CADM2: variants seen among roughly 807,000 people sequenced by gnomAD.
CADM2 encodes cell adhesion molecule 2.
Under a neutral mutation model 49.8 loss-of-function variants are expected in CADM2, and 12 were observed. The observed-to-expected ratio is 0.24, with a 90% CI of 0.15 to 0.39. The LOEUF is 0.39. Among genes scored for constraint, CADM2 ranks in the 10% least tolerant of loss-of-function variants. CADM2 has a pLI of 1.00. For synonymous variants in CADM2, 214 were observed against 175.4 expected, an observed-to-expected ratio of 1.22 and a Z score of -1.74; for missense variants, 378 against 492.3, an observed-to-expected ratio of 0.77 and a Z score of 2.20.
chr3:85,177,455 C>A (rs1226067500), intron 1 of CADM2, among the ~76,000 whole-genome samples: 1 of 151,364 alleles, frequency 6.6e-6, no homozygotes, highest in African/African-American at 2.4e-5. Context: ...TATAGCAAAC[C>A]CTATAGGTAA....
At chr3:85,437,107 G>A (rs991275680) in intron 1 of CADM2, among the ~76,000 whole-genome samples, 1 of 152,034 alleles carries the variant, frequency 6.6e-6, no homozygotes, top group Admixed American at 6.6e-5. Flanking sequence ...ATAGTATGTA[G>A]CCTTTTCATG....
intron 1 of CADM2, among the ~76,000 whole-genome samples, chr3:85,243,788 G>A (rs562003434): frequency 3.9e-5 from 6 of 152,058 alleles, no homozygotes; most frequent in East Asian, 1.9e-4. Context: ...ATCCACTGTC[G>A]TCTTTATGGA....
At chr3:85,796,584 T>A (rs2071637000) in intron 2 of CADM2, among the ~76,000 whole-genome samples, 1 of 152,136 alleles carries the variant, frequency 6.6e-6, no homozygotes, top group Non-Finnish European at 1.5e-5. Context: ...GATATCAGAT[T>A]TTTTACTTGA....
chr3:85,718,614 A>G (rs1226923458), intron 1 of CADM2, among the ~76,000 whole-genome samples: 1 of 152,170 alleles, frequency 6.6e-6, no homozygotes, highest in Non-Finnish European at 1.5e-5. Context: ...GAATAAATAT[A>G]GAAAAAGATC....
chr3:85,918,366 G>A (rs147276756), intron 6 of CADM2, among the ~76,000 whole-genome samples: 1 of 152,136 alleles, frequency 6.6e-6, no homozygotes, highest in Non-Finnish European at 1.5e-5. Flanking sequence ...AACATGAAAG[G>A]TTGTTGAATT....
chr3:85,437,650 C>A (rs536163712), intron 1 of CADM2, among the ~76,000 whole-genome samples: 1 of 151,970 alleles, frequency 6.6e-6, no homozygotes, highest in Non-Finnish European at 1.5e-5. Context: ...ACATAACCAA[C>A]ATGTTTTTCT....
chr3:85,327,250 A>G (rs916877063), intron 1 of CADM2, among the ~76,000 whole-genome samples: 10 of 151,682 alleles, frequency 6.6e-5, no homozygotes, highest in Non-Finnish European at 1.5e-4. Context: ...TTATTTATTC[A>G]TTCATATTTA....
At chr3:85,021,190 A>G (rs983658142) in intron 1 of CADM2, among the ~76,000 whole-genome samples, 1 of 151,834 alleles carries the variant, frequency 6.6e-6, no homozygotes, top group African/African-American at 2.4e-5. Context: ...AGCTGTTTAT[A>G]TCATCTTCAC....
intron 1 of CADM2, among the ~76,000 whole-genome samples, chr3:85,344,798 T>A (rs2107209412): frequency 6.6e-6 from 1 of 152,306 alleles, no homozygotes; most frequent in African/African-American, 2.4e-5. Flanking sequence ...TTGAGTCATT[T>A]ATTGAACAAT....
chr3:86,048,973 T>A (rs1321728417), intron 8 of CADM2, among the ~76,000 whole-genome samples: 1 of 152,116 alleles, frequency 6.6e-6, no homozygotes, highest in Non-Finnish European at 1.5e-5. Context: ...TTATGGCAAG[T>A]CTTTTCCGAA....
intron 2 of CADM2, among the ~76,000 whole-genome samples, chr3:85,729,079 G>T (rs898408138): frequency 6.6e-6 from 1 of 152,054 alleles, no homozygotes; most frequent in Non-Finnish European, 1.5e-5. Context: ...TTCTCCAATG[G>T]CCAAATCCAA....
At chr3:85,921,455 A>G (rs1299132730) in intron 6 of CADM2, among the ~76,000 whole-genome samples, 5 of 151,988 alleles carry the variant, frequency 3.3e-5, no homozygotes, top group Admixed American at 3.3e-4. Flanking sequence ...GCTATTTACC[A>G]TCAGGTCCAA....
chr3:85,672,237 G>A (rs542310196), intron 1 of CADM2, among the ~76,000 whole-genome samples: 1 of 139,630 alleles, frequency 7.2e-6, no homozygotes, highest in Non-Finnish European at 1.5e-5. Flanking sequence ...CTTTCGCCCA[G>A]GCCAGAGTGC....
intron 1 of CADM2, among the ~76,000 whole-genome samples, chr3:85,221,971 G>A (rs774162564): frequency 6.6e-6 from 1 of 151,764 alleles, no homozygotes; most frequent in Non-Finnish European, 1.5e-5. Context: ...AATTTAACAG[G>A]GAAATCGATA....
chr3:85,906,013 A>G (rs887537176), intron 5 of CADM2, among the ~76,000 whole-genome samples: 4 of 152,176 alleles, frequency 2.6e-5, no homozygotes, highest in African/African-American at 9.6e-5. Context: ...TAGTTTGATT[A>G]CCAGAAAATT....
At chr3:85,499,997 T>A (rs961664328) in intron 1 of CADM2, among the ~76,000 whole-genome samples, 7 of 152,216 alleles carry the variant, frequency 4.6e-5, no homozygotes, top group Non-Finnish European at 8.8e-5. Flanking sequence ...TGATATGTTT[T>A]ACAAATGTTA....
At chr3:85,344,292 A>G (rs2030306051) in intron 1 of CADM2, among the ~76,000 whole-genome samples, 1 of 151,640 alleles carries the variant, frequency 6.6e-6, no homozygotes, top group African/African-American at 2.4e-5. Flanking sequence ...AAGGCAGGAG[A>G]ATTGCTTGAA....
chr3:86,047,215 G>A (rs1260808796), intron 8 of CADM2, among the ~76,000 whole-genome samples: 2 of 151,946 alleles, frequency 1.3e-5, no homozygotes, highest in Non-Finnish European at 2.9e-5. Flanking sequence ...AACTCCCATT[G>A]GGCAGCATTT....
At chr3:85,669,476 A>T (rs2107629899) in intron 1 of CADM2, among the ~76,000 whole-genome samples, 1 of 152,292 alleles carries the variant, frequency 6.6e-6, no homozygotes, top group South Asian at 2.1e-4. Context: ...AAGTGAACAC[A>T]ATTATACTTG....
Sources: gnomAD v4.1 joint callset for allele counts (sites outside exome capture counted in the v4.1 genomes callset) on GRCh38, gnomAD v4.1.1 for gene constraint, MANE v1.5 for transcripts, NCBI Gene and HGNC (gene_info 2026-07-23, HGNC 2026-07-21) for gene names.